INTS7: variants seen among roughly 807,000 people sequenced by gnomAD.
INTS7 encodes chromosome 1 open reading frame 73.
Under a neutral mutation model 109.2 loss-of-function variants are expected in INTS7, and 46 were observed. The ratio of observed to expected loss-of-function variants is 0.42; its 90% confidence interval spans 0.33 to 0.54. The LOEUF is 0.54. Among genes scored for constraint, INTS7 ranks in the 20% least tolerant of loss-of-function variants. The pLI is 0.07. For missense variants in INTS7, 929 were observed against 1,132.4 expected (o/e 0.82, Z 2.58); for synonymous variants, 412 against 402.9 (o/e 1.02, Z -0.27).
chr1:212,007,286 C>A lies in INTS7; in HGVS notation c.720G>T (p.Leu240=), dbSNP rs1306791440. The change falls in exon 6 of 20, where the codon CTG becomes CTT. Residue 240 remains leucine (L), a synonymous_variant. Transcript: ENST00000366994. ...TATCAACCAAAGATGACGCTGCAAG[C>A]AGAGTGAAAGTGTGCAAAGACACAA... The part of the protein sequence containing the change: ...MVIVSLHTFT[L]LAASSLVDTP... The A allele has an allele frequency of 6.2e-7, 1 of 1,613,916 alleles. No individual in the cohort carries two copies. The highest frequency in any genetic ancestry group is 8.5e-7 in the Non-Finnish European group (1 of 1,179,896).
Position 211,944,862 on chromosome 1 carries a change from T to C in INTS7, c.2523A>G (p.Pro841=). ...CAGACTGAATTTTGCGGAAGAGTCCTGGTTTAGATCCGTGCTGAACCACTC... is the reference window on the plus strand; with the variant it reads ...CAGACTGAATTTTGCGGAAGAGTCCCGGTTTAGATCCGTGCTGAACCACTC... ...VEGVVQHGSK[P]GLFRKIQSVC... The change falls in exon 19 of 20, where the codon CCA becomes CCG. Residue 841 remains proline (P), a synonymous_variant. Coordinates refer to ENST00000366994, the MANE Select transcript of INTS7 (RefSeq NM_015434.4). 6.2e-7 allele frequency: 1 copy of C among 1,614,224 alleles called. No individual in the cohort carries two copies. Among genetic ancestry groups the C allele is most frequent in the South Asian group, 1.1e-5 (1 of 91,088 alleles).
intron 4 of INTS7, among the ~76,000 whole-genome samples, chr1:212,014,295 T>C (rs1395422582): frequency 6.6e-6 from 1 of 151,704 alleles, no homozygotes; most frequent in Non-Finnish European, 1.5e-5. Flanking sequence ...TGAAACCCCA[T>C]CTTTACTAAA....
intron 1 of INTS7, among the ~76,000 whole-genome samples, chr1:212,030,006 G>A (rs1303680030): frequency 2.0e-5 from 3 of 152,198 alleles, no homozygotes; most frequent in African/African-American, 7.2e-5. Flanking sequence ...TACATGGCAA[G>A]ATGTATGCAA....
chr1:212,008,629 T>C (rs1666038063), intron 5 of INTS7, among the ~76,000 whole-genome samples: 1 of 152,206 alleles, frequency 6.6e-6, no homozygotes, highest in African/African-American at 2.4e-5. Context: ...CATTATCTTC[T>C]GGTCATCTGC....
At position 211,967,952 on chromosome 1, in the gene INTS7, G is replaced by C. The variant is rs200095234; in HGVS notation, c.2040C>G (p.Ser680Arg). 5.6e-6 allele frequency: 9 copies of C among 1,603,804 alleles called. No homozygotes were observed. The African/African-American group carries it at 8.0e-5, about 14-fold the overall frequency. The change falls in exon 15 of 20, where the codon AGC becomes AGG. Residue 680 changes from serine (S) to arginine (R), a missense_variant. Physicochemically the swap from Ser to Arg is moderately radical, Grantham distance 110. Around this residue, in one of 2 missense-constraint regions of INTS7, gnomAD observed 787 missense variants for 901.1 expected, o/e 0.87. Coordinates refer to ENST00000366994, the MANE Select transcript of INTS7 (RefSeq NM_015434.4). ...QMKQSMEEFRSLASRYGDLYQ... is the reference protein window; with the variant it reads ...QMKQSMEEFRRLASRYGDLYQ... ...AAAGATCTCCATATCGAGAAGCAAG[G>C]CTTCGAAATTCTTCCATGGACTGTT...
Position 212,024,399 on chromosome 1 carries a change from C to T in INTS7, c.95-3187G>A, listed in dbSNP as rs544208703. The stretch of plus-strand genomic sequence containing the variant: ...CCTTTTGGTAGTGTTTTGTAGTTCT[C>T]GTTGTAGAGATCTTTCACCTCCTTG... On this transcript the variant is annotated intron_variant, in intron 1 of 19. Transcript: ENST00000366994. Among the ~76,000 whole-genome samples, 7 of 152,176 alleles carry T rather than the reference C, an allele frequency of 4.6e-5. No individual in the cohort carries two copies. In the East Asian group the frequency reaches 5.8e-4, roughly 13 times the overall value.
chr1:211,966,277 C>T (rs371371337), intron 16 of INTS7, 153 bp downstream of exon 16: 6 of 468,314 alleles, frequency 1.3e-5, no homozygotes, highest in East Asian at 9.9e-5. Flanking sequence ...TATGTTTTGT[C>T]ACTAGTTATG....
chr1:211,950,046 T>A (rs1048087353), intron 17 of INTS7, among the ~76,000 whole-genome samples: 4 of 152,252 alleles, frequency 2.6e-5, no homozygotes, highest in African/African-American at 9.6e-5. Flanking sequence ...TTGTACTACA[T>A]CTCTACCTTG....
intron 3 of INTS7, 129 bp from the exon 4 acceptor site, chr1:212,017,152 A>G (rs968493853): frequency 6.6e-6 from 4 of 608,828 alleles, no homozygotes; most frequent in Non-Finnish European, 1.1e-5. Context: ...TCCAGTTAAT[A>G]AAGCATAACT....
Position 212,007,409 on chromosome 1 carries a change from G to C in INTS7, c.597C>G (p.Pro199=). ...TPVDLKLKLI[P]ILQHMHHDAI... ...CATCATGGTGCATGTGCTGTAGAAT[G>C]GGTATCAATTTTAGCTTCAAGTCTA... is the stretch of plus-strand genomic sequence containing the variant. The change falls in exon 6 of 20, where the codon CCC becomes CCG. Residue 199 remains proline, a synonymous_variant. Transcript: ENST00000366994. 6.2e-7 allele frequency: 1 copy of C among 1,613,884 alleles called. No homozygotes were observed. Among genetic ancestry groups the C allele is most frequent in the Non-Finnish European group, 8.5e-7 (1 of 1,179,860 alleles).
intron 5 of INTS7, among the ~76,000 whole-genome samples, chr1:212,010,426 G>T (rs1284114934): frequency 6.6e-6 from 1 of 152,190 alleles, no homozygotes; most frequent in Non-Finnish European, 1.5e-5. Flanking sequence ...TCTATGGTAA[G>T]GAATCTGGAT....
intron 7 of INTS7, among the ~76,000 whole-genome samples, chr1:212,000,094 G>A (rs1471873847): frequency 1.3e-5 from 2 of 151,788 alleles, no homozygotes; most frequent in Non-Finnish European, 2.9e-5. Context: ...AACACAGTGA[G>A]ACTCTGTCTC....
rs201221228 is a variant in INTS7 at position 211,952,064 on chromosome 1, CCAA to C, written c.2316+502_2316+504del. ...TAGGAAATGACTCATTGCCAGTCAG[CCAA>C]CAAGCCCTGTTCTTTCTGTTTCAAT... On this transcript the variant is annotated intron_variant, in intron 17 of 19. Transcript: ENST00000366994. Among the ~76,000 whole-genome samples, 1,004 of 152,302 alleles carry C rather than the reference CCAA, an allele frequency of 6.6e-3. 7 individuals carry two copies. The highest frequency in any genetic ancestry group is 0.023 in the African/African-American group (958 of 41,566).
rs771079959 is a variant in INTS7 at position 211,967,864 on chromosome 1, CA to C, written c.2114+13del. The C allele has an allele frequency of 1.4e-6, 2 of 1,451,572 alleles. No homozygotes were observed. Among genetic ancestry groups the C allele is most frequent in the Non-Finnish European group, 1.9e-6 (2 of 1,039,706 alleles). 89.9% of individuals were successfully genotyped at this position (1,451,572 alleles called of 1,614,324 possible). ...CCAAAAAGAACAAGAAGTACTAGGGCAAGCTTGGGATACAGTTCAACATTCC... is the reference window on the plus strand; with the variant it reads ...CCAAAAAGAACAAGAAGTACTAGGGCAGCTTGGGATACAGTTCAACATTCC... On this transcript the variant is annotated intron_variant, in intron 15 of 19. Transcript: ENST00000366994.
intron 7 of INTS7, among the ~76,000 whole-genome samples, chr1:212,003,810 T>C (rs916625397): frequency 1.3e-5 from 2 of 152,158 alleles, no homozygotes; most frequent in African/African-American, 4.8e-5. Context: ...ACTAAAAGAA[T>C]ATTTAACAAG....
chr1:211,968,017 C>A, intron 14 of INTS7, 36 bp from the exon 15 acceptor site: 2 of 1,143,362 alleles, frequency 1.7e-6, no homozygotes. Flanking sequence ...AACAAACATG[C>A]TATCATTATT....
chr1:212,021,711 G>T (rs1484797768), intron 1 of INTS7, among the ~76,000 whole-genome samples: 2 of 151,390 alleles, frequency 1.3e-5, no homozygotes, highest in African/African-American at 4.9e-5. Context: ...ATCCAAGTGT[G>T]GTTGTGTGTG....
At chr1:211,962,452 A>G (rs1272810804) in intron 16 of INTS7, among the ~76,000 whole-genome samples, 1 of 152,138 alleles carries the variant, frequency 6.6e-6, no homozygotes, top group Non-Finnish European at 1.5e-5. Context: ...TCAACACTCC[A>G]TGACAGTATT....
At chr1:211,963,247 G>C (rs534699303) in intron 16 of INTS7, among the ~76,000 whole-genome samples, 1 of 152,190 alleles carries the variant, frequency 6.6e-6, no homozygotes, top group South Asian at 2.1e-4. Flanking sequence ...AGAAGGAATG[G>C]ATAAATTCCT....
Sources: gnomAD v4.1 joint callset for allele counts (sites outside exome capture counted in the v4.1 genomes callset) on GRCh38, gnomAD v4.1.1 for gene constraint, gnomAD v4.1.1 regional missense constraint, MANE v1.5 for transcripts, NCBI Gene and HGNC (gene_info 2026-07-23, HGNC 2026-07-21) for gene names.